The following CSMD1 variants were observed in gnomAD, a reference collection of about 807,000 sequenced individuals.
CSMD1 encodes CUB and sushi domain-containing protein 1.
A neutral mutation model predicts 417.5 loss-of-function variants in CSMD1; 213 were observed. The ratio of observed to expected loss-of-function variants is 0.51; its 90% confidence interval spans 0.46 to 0.57. The LOEUF is 0.57. Among genes scored for constraint, CSMD1 ranks in the 20% least tolerant of loss-of-function variants. The probability of loss-of-function intolerance (pLI) is 0.00; values close to 1 mark genes in which losing one functional copy is unlikely to be tolerated. For synonymous variants in CSMD1, 2,862 were observed against 1,736.8 expected (o/e 1.65, Z -16.11); for missense variants, 6,923 against 4,529.7 (o/e 1.53, Z -15.17).
chr8:3,599,480 T>C (rs1315857621), intron 8 of CSMD1, among the ~76,000 whole-genome samples: 4 of 151,932 alleles, frequency 2.6e-5, no homozygotes, highest in Admixed American at 1.3e-4. Flanking sequence ...GCAGCATTAG[T>C]AACCCCAACG....
chr8:3,789,466 G>C (rs1471816485), intron 5 of CSMD1, among the ~76,000 whole-genome samples: 1 of 139,944 alleles, frequency 7.1e-6, no homozygotes, highest in East Asian at 2.1e-4. Flanking sequence ...TTAAGTAAGG[G>C]ACAAAACTTT....
chr8:3,284,301 G>A lies in CSMD1; in HGVS notation c.3996C>T (p.Leu1332=). 2 of 1,613,978 alleles carry A rather than the reference G, an allele frequency of 1.2e-6. No homozygotes were observed. Among genetic ancestry groups the A allele is most frequent in the African/African-American group, 1.3e-5 (1 of 75,052 alleles). Residue 1332 remains leucine, a synonymous_variant, in exon 26 of 70, where the codon CTC becomes CTT. Transcript: ENST00000635120. ...VFDTEMAHDI[L]KVWDGPVDSD... The stretch of plus-strand genomic sequence containing the variant: ...TGTCCACCGGCCCGTCCCAGACCTT[G>A]AGGATGTCGTGAGCCATCTCCGTGT...
chr8:4,582,654 G>C (rs544823821), intron 2 of CSMD1, among the ~76,000 whole-genome samples: 1 of 152,216 alleles, frequency 6.6e-6, no homozygotes, highest in African/African-American at 2.4e-5. Flanking sequence ...AGTGAGAGGT[G>C]ACAGCAGGCT....
intron 1 of CSMD1, among the ~76,000 whole-genome samples, chr8:4,697,820 C>G (rs907700614): frequency 3.9e-5 from 6 of 152,148 alleles, no homozygotes; most frequent in African/African-American, 1.2e-4. Flanking sequence ...GCCATAAACA[C>G]TAAGCCATAA....
intron 40 of CSMD1, among the ~76,000 whole-genome samples, chr8:3,150,128 T>C (rs991639044): frequency 2.0e-5 from 3 of 152,190 alleles, no homozygotes; most frequent in Non-Finnish European, 4.4e-5. Flanking sequence ...CCGTTTCATT[T>C]AGCCCTGGCA....
chr8:3,450,925 T>C (rs10108143), intron 12 of CSMD1, among the ~76,000 whole-genome samples: 78,355 of 150,984 alleles, frequency 0.52, 20,680 homozygotes, highest in Middle Eastern at 0.58. Flanking sequence ...GTTTACAGTC[T>C]CACCAACAGT....
At chr8:4,645,970 A>G (rs1803492096) in intron 1 of CSMD1, among the ~76,000 whole-genome samples, 1 of 152,240 alleles carries the variant, frequency 6.6e-6, no homozygotes, top group African/African-American at 2.4e-5. Flanking sequence ...TATATTCCTC[A>G]GCCAATCAAA....
chr8:4,811,352 G>T (rs1350185774), intron 1 of CSMD1, among the ~76,000 whole-genome samples: 1 of 152,120 alleles, frequency 6.6e-6, no homozygotes, highest in African/African-American at 2.4e-5. Context: ...ACTACCTTGA[G>T]TATTGGCCCC....
intron 1 of CSMD1, among the ~76,000 whole-genome samples, chr8:4,875,042 G>GTCTT (rs372076736): frequency 2.8e-5 from 4 of 142,878 alleles, no homozygotes; most frequent in African/African-American, 1.0e-4. Flanking sequence ...CTCCCTCTCT[G>GTCTT]TCTTTCTTTC....
chr8:3,926,080 CAT>C lies in CSMD1; in HGVS notation c.818+71821_818+71822del, dbSNP rs200097985. 5.7e-4 allele frequency among the ~76,000 whole-genome samples: 30 copies of C among 52,264 alleles called. No individual in the cohort carries two copies. The East Asian group carries it at 0.013, about 23-fold the overall frequency. The allele number at this position is 52,264 out of a possible 152,430, so 34.3% of individuals were successfully genotyped here. The stretch of plus-strand genomic sequence containing the variant: ...CACACACACACACACACACAAACAC[CAT>C]ACACACACACACACACACACACACA... On this transcript the variant is annotated intron_variant, in intron 5 of 69. Coordinates refer to ENST00000635120, the MANE Select transcript of CSMD1 (RefSeq NM_033225.6).
intron 3 of CSMD1, among the ~76,000 whole-genome samples, chr8:4,367,430 G>T (rs567266533): frequency 1.3e-5 from 2 of 152,066 alleles, no homozygotes; most frequent in Non-Finnish European, 2.9e-5. Flanking sequence ...GTCTATTTCT[G>T]TACCAGTACC....
intron 3 of CSMD1, among the ~76,000 whole-genome samples, chr8:4,172,614 C>T (rs968414173): frequency 3.5e-4 from 53 of 152,160 alleles, no homozygotes; most frequent in African/African-American, 1.2e-3. Flanking sequence ...GCTCATGGAA[C>T]CCACCCTCCT....
intron 1 of CSMD1, among the ~76,000 whole-genome samples, chr8:4,957,822 T>C (rs933042474): frequency 6.6e-6 from 1 of 152,208 alleles, no homozygotes; most frequent in Non-Finnish European, 1.5e-5. Context: ...AGTAGGTGGA[T>C]AGTACAATTG....
intron 1 of CSMD1, among the ~76,000 whole-genome samples, chr8:4,898,210 T>C (rs944314312): frequency 1.3e-5 from 2 of 152,152 alleles, no homozygotes; most frequent in African/African-American, 4.8e-5. Flanking sequence ...AATGGAATGA[T>C]TAAAACGCAC....
chr8:3,990,676 G>A (rs947503200), intron 5 of CSMD1, among the ~76,000 whole-genome samples: 2 of 152,172 alleles, frequency 1.3e-5, no homozygotes, highest in African/African-American at 4.8e-5. Flanking sequence ...GCTATTTCTA[G>A]AATTTGTGAA....
At chr8:4,692,363 A>T (rs757194571) in intron 1 of CSMD1, among the ~76,000 whole-genome samples, 1 of 152,220 alleles carries the variant, frequency 6.6e-6, no homozygotes, top group South Asian at 2.1e-4. Context: ...CAACAAAACG[A>T]AACAAAAAAC....
At position 3,762,637 on chromosome 8, in the gene CSMD1, G is replaced by T. The variant is rs141873502; in HGVS notation, c.819-8595C>A. ...CCTAAGCCGCTCTTGTCTGTGGAAG[G>T]TATAATCGCCCTGCTGACGCCGTAC... On this transcript the variant is annotated intron_variant, in intron 5 of 69. Transcript: ENST00000635120. Among the ~76,000 whole-genome samples the T allele has an allele frequency of 2.6e-3, 389 of 152,340 alleles. 5 individuals carry two copies. Among genetic ancestry groups the T allele is most frequent in the African/African-American group, 9.1e-3 (379 of 41,588 alleles).
At chr8:3,644,391 A>C (rs755183481) in intron 7 of CSMD1, among the ~76,000 whole-genome samples, 21 of 152,144 alleles carry the variant, frequency 1.4e-4, no homozygotes, top group Non-Finnish European at 2.8e-4. Context: ...GACCCTGGAG[A>C]AGCCCTGGAA....
intron 6 of CSMD1, among the ~76,000 whole-genome samples, chr8:3,726,537 G>T (rs778145953): frequency 6.6e-6 from 1 of 152,174 alleles, no homozygotes; most frequent in Non-Finnish European, 1.5e-5. Context: ...TGCATAGTTT[G>T]GGTCCAGTGT....
Sources: gnomAD v4.1 joint callset for allele counts (sites outside exome capture counted in the v4.1 genomes callset) on GRCh38, gnomAD v4.1.1 for gene constraint, MANE v1.5 for transcripts, NCBI Gene and HGNC (gene_info 2026-07-23, HGNC 2026-07-21) for gene names.